Variants in FAM221A observed in about 807,000 individuals in gnomAD.
The protein encoded by FAM221A is protein FAM221A.
Under a neutral mutation model 37.6 loss-of-function variants are expected in FAM221A, and 43 were observed. That is an observed-to-expected ratio of 1.15 (90% confidence interval 0.90 to 1.48). FAM221A has a LOEUF of 1.48. Among genes scored for constraint, FAM221A ranks in the 40% most tolerant of loss-of-function variants. FAM221A has a pLI of 0.00. For synonymous variants in FAM221A, 135 were observed against 132.9 expected, an observed-to-expected ratio of 1.02 and a Z score of -0.11; for missense variants, 361 against 361.5, an observed-to-expected ratio of 1.00 and a Z score of 0.01.
At chr7:23,684,028 T>G (rs143189369) in intron 1 of FAM221A, among the ~76,000 whole-genome samples, 24 of 152,300 alleles carry the variant, frequency 1.6e-4, no homozygotes, top group African/African-American at 5.8e-4. Flanking sequence ...ATTTAGTTAA[T>G]CTAAATGGGT....
chr7:23,700,969 TAA>T (rs1165371937), intron 6 of FAM221A, 101 bp downstream of exon 6: 41 of 818,476 alleles, frequency 5.0e-5, no homozygotes, highest in Non-Finnish European at 7.8e-5. Flanking sequence ...AAATAATTTA[TAA>T]AGTCTTTACT....
intron 4 of FAM221A, chr7:23,694,546 G>C (rs1248125107): frequency 6.6e-6 from 1 of 152,208 alleles, no homozygotes; most frequent in Non-Finnish European, 1.5e-5. Flanking sequence ...GATCATGTTT[G>C]ATGACGGCAG....
Sources: gnomAD v4.1 joint callset for allele counts (sites outside exome capture counted in the v4.1 genomes callset) on GRCh38, gnomAD v4.1.1 for gene constraint, MANE v1.5 for transcripts, NCBI Gene and HGNC (gene_info 2026-07-23, HGNC 2026-07-21) for gene names.